NPTN: variants seen among roughly 807,000 people sequenced by gnomAD.
The protein encoded by NPTN is neuroplastin.
In NPTN, 5 loss-of-function variants were observed where a neutral mutation model predicts 42.7. The ratio of observed to expected loss-of-function variants is 0.12; its 90% CI spans 0.06 to 0.25. The LOEUF (loss-of-function observed/expected upper bound fraction) is 0.25, where lower values mean the gene tolerates loss of function less well. NPTN is among the 10% of genes least tolerant of loss of function. The pLI, the probability that NPTN is intolerant of heterozygous loss-of-function variation, is 1.00. For synonymous variants in NPTN, 180 were observed against 201.9 expected, an observed-to-expected ratio of 0.89 and a Z score of 0.92; for missense variants, 307 against 525.4, an observed-to-expected ratio of 0.58 and a Z score of 4.06.
chr15:73,577,621 A>G (rs545052130), intron 4 of NPTN, among the ~76,000 whole-genome samples: 17 of 152,296 alleles, frequency 1.1e-4, no homozygotes, highest in African/African-American at 4.1e-4. Context: ...TAGACACAAG[A>G]TTAGAAATTA....
At chr15:73,572,793 C>T (rs1358516203) in intron 5 of NPTN, among the ~76,000 whole-genome samples, 1 of 152,170 alleles carries the variant, frequency 6.6e-6, no homozygotes, top group Admixed American at 6.5e-5. Context: ...AGTGTCCTAT[C>T]CTGAAGGCAA....
intron 1 of NPTN, among the ~76,000 whole-genome samples, chr15:73,622,221 A>C (rs938513165): frequency 6.6e-5 from 10 of 152,184 alleles, no homozygotes; most frequent in Admixed American, 2.0e-4. Flanking sequence ...CATTGTTAAC[A>C]TCCACTTTCT....
chr15:73,577,939 T>C (rs1202551476), intron 4 of NPTN, among the ~76,000 whole-genome samples: 1 of 152,088 alleles, frequency 6.6e-6, no homozygotes, highest in Non-Finnish European at 1.5e-5. Flanking sequence ...CTGATTTGAA[T>C]AGTAATAAAA....
At chr15:73,621,816 A>C (rs910696713) in intron 1 of NPTN, among the ~76,000 whole-genome samples, 4 of 152,350 alleles carry the variant, frequency 2.6e-5, no homozygotes, top group African/African-American at 9.6e-5. Flanking sequence ...AAGTATAACT[A>C]GGGTTATGTT....
chr15:73,626,052 A>T (rs143792658), intron 1 of NPTN, among the ~76,000 whole-genome samples: 4 of 152,348 alleles, frequency 2.6e-5, no homozygotes, highest in African/African-American at 9.6e-5. Context: ...ACGGATTTCC[A>T]GGTCTTAAAA....
chr15:73,567,707 C>A, intron 6 of NPTN: 1 of 985,244 alleles, frequency 1.0e-6, no homozygotes, highest in Non-Finnish European at 1.2e-6. Context: ...GAGAGAAAGA[C>A]AGAAAGAGAC....
intron 1 of NPTN, among the ~76,000 whole-genome samples, chr15:73,622,741 T>C (rs969802299): frequency 1.4e-4 from 21 of 152,242 alleles, no homozygotes; most frequent in African/African-American, 5.1e-4. Flanking sequence ...AAGGTTTCTT[T>C]TAATACACAA....
intron 1 of NPTN, among the ~76,000 whole-genome samples, chr15:73,621,406 G>C (rs1488462310): frequency 1.3e-5 from 2 of 152,036 alleles, no homozygotes; most frequent in South Asian, 2.1e-4. Flanking sequence ...ACTTTCTTAT[G>C]AACTACCAGA....
rs1895243619 is a variant in NPTN at position 73,569,504 on chromosome 15, C to T, written c.1114+646G>A. On this transcript the variant is annotated intron_variant, in intron 6 of 8. Coordinates refer to ENST00000345330, the MANE Select transcript of NPTN (RefSeq NM_012428.4). The surrounding 1 kb of genome is among the most constrained non-coding windows in gnomAD (Gnocchi z 4.1). Reference sequence around the variant, plus strand: ...CCGCCTTTGCTATCTCTGTCTTACACTAGATGGGTGGATACATCAGACTCT... The same window carrying T: ...CCGCCTTTGCTATCTCTGTCTTACATTAGATGGGTGGATACATCAGACTCT... 4.1e-6 allele frequency: 4 copies of T among 985,438 alleles called. No homozygotes were observed. Among genetic ancestry groups the T allele is most frequent in the African/African-American group, 3.5e-5 (2 of 57,342 alleles). The allele number at this position is 985,438 out of a possible 1,614,324, so 61.0% of individuals were successfully genotyped here.
chr15:73,604,262 G>C (rs754496590), intron 1 of NPTN, among the ~76,000 whole-genome samples: 2 of 152,082 alleles, frequency 1.3e-5, no homozygotes, highest in Non-Finnish European at 2.9e-5. Flanking sequence ...CCAAGAGCTC[G>C]AGACCGGCCT....
intron 1 of NPTN, among the ~76,000 whole-genome samples, chr15:73,624,362 C>T (rs1193808964): frequency 6.6e-6 from 1 of 152,104 alleles, no homozygotes; most frequent in Non-Finnish European, 1.5e-5. Context: ...ATTTCATCTC[C>T]CTTGATGCAC....
intron 4 of NPTN, among the ~76,000 whole-genome samples, chr15:73,575,564 T>A (rs1375082433): frequency 3.3e-5 from 5 of 152,236 alleles, no homozygotes; most frequent in Admixed American, 2.0e-4. Flanking sequence ...CTACAGCCAT[T>A]ATCAAATGGA....
At chr15:73,605,873 T>C (rs973274915) in intron 1 of NPTN, among the ~76,000 whole-genome samples, 11 of 152,054 alleles carry the variant, frequency 7.2e-5, no homozygotes, top group African/African-American at 1.7e-4. Flanking sequence ...TCTTAACAGA[T>C]TGAAAGCTCT....
chr15:73,591,677 C>G (rs570260981), intron 3 of NPTN: 95 of 217,096 alleles, frequency 4.4e-4, no homozygotes, highest in Non-Finnish European at 7.7e-4. Context: ...TGTGACTCTC[C>G]TATTGACTAA....
Position 73,570,081 on chromosome 15 carries a change from T to C in NPTN, c.1114+69A>G, listed in dbSNP as rs1895279230. The C allele has an allele frequency of 6.7e-7, 1 of 1,488,990 alleles. No individual in the cohort carries two copies. Among genetic ancestry groups the C allele is most frequent in the Non-Finnish European group, 9.0e-7 (1 of 1,105,844 alleles). 92.2% of individuals were successfully genotyped at this position (1,488,990 alleles called of 1,614,324 possible). ...AATCCCAACATCCCTATAGTCCTCT[T>C]TGGGTACTTGGAAACCACCCGAAGG... On this transcript the variant is annotated intron_variant, in intron 6 of 8. Coordinates refer to ENST00000345330, the MANE Select transcript of NPTN (RefSeq NM_012428.4). This position sits in a 1 kb window ranked among gnomAD's most constrained non-coding sequence, Gnocchi z 4.0.
intron 1 of NPTN, among the ~76,000 whole-genome samples, chr15:73,619,363 A>T (rs1245246935): frequency 6.6e-6 from 1 of 152,240 alleles, no homozygotes; most frequent in Non-Finnish European, 1.5e-5. Context: ...CTTTCAAAAC[A>T]TTCACTGGAA....
chr15:73,595,496 G>C (rs1259452673), intron 2 of NPTN, among the ~76,000 whole-genome samples: 1 of 152,052 alleles, frequency 6.6e-6, no homozygotes, highest in Non-Finnish European at 1.5e-5. Flanking sequence ...TTTACCCATA[G>C]GATCTTCAAG....
chr15:73,600,777 A>T (rs943232895), intron 1 of NPTN, among the ~76,000 whole-genome samples: 6 of 152,234 alleles, frequency 3.9e-5, no homozygotes, highest in African/African-American at 1.4e-4. Flanking sequence ...CACTAACTCC[A>T]TAAAATTATA....
chr15:73,591,986 A>G lies in NPTN; in HGVS notation c.591T>C (p.Asn197=), dbSNP rs200671002. 1.2e-6 allele frequency: 2 copies of G among 1,613,428 alleles called. No homozygotes were observed. The highest frequency in any genetic ancestry group is 4.5e-5 in the East Asian group (2 of 44,884). Residue 197 remains asparagine, a synonymous_variant, in exon 3 of 9, where the codon AAT becomes AAC. Transcript: ENST00000345330. ...CTCACCTGTACTCCATGTTGCTGGC[A>G]TTCTTACGAGTGGCACTCAGTTCCA... ...NGVELSATRK[N]ASNMEYRINK...
Sources: gnomAD v4.1 joint callset for allele counts (sites outside exome capture counted in the v4.1 genomes callset) on GRCh38, gnomAD v4.1.1 for gene constraint, Gnocchi (gnomAD v3.1) non-coding constraint, MANE v1.5 for transcripts, NCBI Gene and HGNC (gene_info 2026-07-23, HGNC 2026-07-21) for gene names.